RARB: variants seen among roughly 807,000 people sequenced by gnomAD.
The protein encoded by RARB is retinoic acid receptor beta.
In RARB, 17 loss-of-function variants were observed where a neutral mutation model predicts 51.9. The ratio of observed to expected loss-of-function variants is 0.33; its 90% CI spans 0.22 to 0.49. The LOEUF is 0.49. Ranked by LOEUF, RARB falls within the 20% of genes least tolerant of loss-of-function variation. RARB has a pLI of 0.99. For missense variants in RARB, 369 were observed against 550.8 expected (o/e 0.67, Z 3.30); for synonymous variants, 215 against 195.4 (o/e 1.10, Z -0.84).
intron 5 of RARB, among the ~76,000 whole-genome samples, chr3:25,211,934 T>G (rs1701708716): frequency 6.6e-6 from 1 of 152,190 alleles, no homozygotes; most frequent in Non-Finnish European, 1.5e-5. Context: ...ATATACAACT[T>G]TATTTCCCCA....
chr3:25,118,929 AAAAAAT>A (rs1356140626), intron 3 of RARB, among the ~76,000 whole-genome samples: 1 of 152,168 alleles, frequency 6.6e-6, no homozygotes, highest in Non-Finnish European at 1.5e-5. Flanking sequence ...CTTTGATCAT[AAAAAAT>A]AAAAATATCA....
intron 3 of RARB, among the ~76,000 whole-genome samples, chr3:25,535,637 A>C (rs1699110235): frequency 6.6e-6 from 1 of 151,706 alleles, no homozygotes; most frequent in Non-Finnish European, 1.5e-5. Context: ...TTCAACTCCC[A>C]CTTATGAGTG....
chr3:25,062,077 C>T (rs1023271434), intron 3 of RARB, among the ~76,000 whole-genome samples: 1 of 151,290 alleles, frequency 6.6e-6, no homozygotes, highest in Non-Finnish European at 1.5e-5. Context: ...ATCTTTATGG[C>T]AAAAGATAAA....
At chr3:25,576,850 G>T (rs1430068534) in intron 4 of RARB, among the ~76,000 whole-genome samples, 2 of 152,230 alleles carry the variant, frequency 1.3e-5, no homozygotes, top group East Asian at 1.9e-4. Context: ...GGAAAATGCT[G>T]CAGGCGTGTT....
intron 5 of RARB, among the ~76,000 whole-genome samples, chr3:25,378,331 CT>C (rs1357068936): frequency 6.6e-6 from 1 of 152,172 alleles, no homozygotes; most frequent in African/African-American, 2.4e-5. Flanking sequence ...TCCCTTCTAC[CT>C]GATGGGACAG....
At chr3:25,202,936 AG>A (rs1374721799) in intron 5 of RARB, among the ~76,000 whole-genome samples, 7 of 152,184 alleles carry the variant, frequency 4.6e-5, no homozygotes, top group Non-Finnish European at 1.0e-4. Context: ...AGAGTTCTGT[AG>A]ATGTCTATTA....
intron 2 of RARB, among the ~76,000 whole-genome samples, chr3:25,017,998 A>T (rs977773210): frequency 6.6e-6 from 1 of 152,114 alleles, no homozygotes; most frequent in African/African-American, 2.4e-5. Context: ...CTAGACACCA[A>T]TTTGCTCACA....
At chr3:25,555,770 G>A (rs775960447) in intron 3 of RARB, among the ~76,000 whole-genome samples, 2 of 152,166 alleles carry the variant, frequency 1.3e-5, no homozygotes, top group African/African-American at 2.4e-5. Flanking sequence ...TGGCCCCGGG[G>A]ATGTTGGAGT....
chr3:25,158,727 C>T (rs1042839731), intron 4 of RARB, among the ~76,000 whole-genome samples: 1 of 152,194 alleles, frequency 6.6e-6, no homozygotes, highest in Admixed American at 6.5e-5. Flanking sequence ...ATTTCAGCAA[C>T]TAAATACAAT....
intron 2 of RARB, among the ~76,000 whole-genome samples, chr3:25,006,326 T>G (rs1328113875): frequency 6.6e-6 from 1 of 152,186 alleles, no homozygotes; most frequent in Non-Finnish European, 1.5e-5. Context: ...TTGTTTATTG[T>G]AGTTTGAGCT....
chr3:24,849,338 C>T lies in RARB; in HGVS notation c.-458-9336C>T, dbSNP rs143578885. The stretch of plus-strand genomic sequence containing the variant: ...AAGGGGGGAGCTACTGTATATGCCG[C>T]GTGTGTTCATGGACAAAGTGAGAAT... On this transcript the variant is annotated intron_variant, in intron 1 of 11. Coordinates refer to the RARB transcript ENST00000383772. Among the ~76,000 whole-genome samples the T allele has an allele frequency of 5.3e-5, 8 of 152,280 alleles. No individual in the cohort carries two copies. In the East Asian group the frequency reaches 1.2e-3, roughly 22 times the overall value.
intron 2 of RARB, among the ~76,000 whole-genome samples, chr3:24,991,205 C>T (rs1439894139): frequency 2.0e-5 from 3 of 152,170 alleles, no homozygotes; most frequent in African/African-American, 7.2e-5. Flanking sequence ...CTTTGGGAGG[C>T]TGAGGTGGGC....
chr3:25,332,748 A>C (rs1704940452), intron 5 of RARB, among the ~76,000 whole-genome samples: 1 of 152,226 alleles, frequency 6.6e-6, no homozygotes, highest in South Asian at 2.1e-4. Context: ...CCCTGTTTGC[A>C]GATGACATGA....
At chr3:25,360,129 T>C (rs892296328) in intron 5 of RARB, among the ~76,000 whole-genome samples, 4 of 152,200 alleles carry the variant, frequency 2.6e-5, no homozygotes, top group Non-Finnish European at 4.4e-5. Context: ...TGTAGGTCTC[T>C]AAGAACTTGT....
At chr3:25,581,949 C>T (rs954726365) in intron 5 of RARB, among the ~76,000 whole-genome samples, 5 of 152,006 alleles carry the variant, frequency 3.3e-5, no homozygotes, top group Non-Finnish European at 5.9e-5. Flanking sequence ...TGAACTAAGA[C>T]AGGAGGGCAG....
At chr3:24,866,874 G>A (rs1459786222) in intron 2 of RARB, among the ~76,000 whole-genome samples, 1 of 152,062 alleles carries the variant, frequency 6.6e-6, no homozygotes, top group East Asian at 1.9e-4. Context: ...GGTTTTTCAA[G>A]GATAGTTTGG....
intron 5 of RARB, among the ~76,000 whole-genome samples, chr3:25,287,962 A>T (rs1703696066): frequency 1.3e-5 from 2 of 152,084 alleles, no homozygotes; most frequent in South Asian, 4.1e-4. Context: ...AAAGGGGAGG[A>T]GTGGAAGAAA....
chr3:25,501,161 C>A, intron 2 of RARB, 21 bp from the exon 3 acceptor site: 1 of 1,553,106 alleles, frequency 6.4e-7, no homozygotes, highest in South Asian at 1.2e-5. Flanking sequence ...TGAGTTTTTT[C>A]ATCTTCTTGC....
chr3:24,978,482 G>A (rs1226389300), intron 2 of RARB, among the ~76,000 whole-genome samples: 1 of 152,058 alleles, frequency 6.6e-6, no homozygotes, highest in African/African-American at 2.4e-5. Flanking sequence ...TTTAGTCTTG[G>A]GAGGGTTTAT....
Sources: gnomAD v4.1 joint callset for allele counts (sites outside exome capture counted in the v4.1 genomes callset) on GRCh38, gnomAD v4.1.1 for gene constraint, MANE v1.5 for transcripts, NCBI Gene and HGNC (gene_info 2026-07-23, HGNC 2026-07-21) for gene names.